Variants in C11orf58 observed in about 807,000 individuals in gnomAD.
C11orf58 encodes small acidic protein.
A neutral mutation model predicts 22.7 loss-of-function variants in C11orf58; 5 were observed. That is an observed-to-expected ratio of 0.22 (90% CI 0.12 to 0.46). C11orf58 has a LOEUF of 0.46. Among genes scored for constraint, C11orf58 ranks in the 20% least tolerant of loss-of-function variants. The pLI is 0.99. For missense variants in C11orf58, 151 were observed against 223.3 expected (o/e 0.68, Z 2.06); for synonymous variants, 71 against 70.7 (o/e 1.00, Z -0.02).
At chr11:16,750,902 G>A (rs960666630) in intron 3 of C11orf58, 3 of 152,216 alleles carry the variant, frequency 2.0e-5, no homozygotes, top group Non-Finnish European at 4.4e-5. Context: ...GTGAGTCTGT[G>A]TACTGTGTCA....
At chr11:16,744,272 A>G (rs1848471906) in intron 1 of C11orf58, 3 of 218,096 alleles carry the variant, frequency 1.4e-5, no homozygotes, top group South Asian at 9.3e-5. Flanking sequence ...TTGAAATTCA[A>G]ATCCTAGAGC....
intron 1 of C11orf58, among the ~76,000 whole-genome samples, chr11:16,743,476 T>C (rs1848463661): frequency 6.6e-6 from 1 of 152,184 alleles, no homozygotes; most frequent in Non-Finnish European, 1.5e-5. Flanking sequence ...CAAAAACTCA[T>C]AGTCTGAGAT....
intron 1 of C11orf58, among the ~76,000 whole-genome samples, chr11:16,742,690 T>C (rs141136087): frequency 2.0e-5 from 3 of 152,182 alleles, no homozygotes; most frequent in African/African-American, 4.8e-5. Flanking sequence ...AAATATTCTT[T>C]TAGTCTTTTA....
At chr11:16,742,119 T>TAGATGA (rs1388911600) in intron 1 of C11orf58, among the ~76,000 whole-genome samples, 9 of 152,238 alleles carry the variant, frequency 5.9e-5, no homozygotes, top group Admixed American at 4.6e-4. Flanking sequence ...TTAGAAGTTG[T>TAGATGA]AGATGACAGT....
rs1425809649 is a variant in C11orf58, at chr11:16,756,746, T to C, written c.*1642T>C. 6.6e-6 allele frequency: 1 copy of C among 151,320 alleles called. No homozygotes were observed. Among genetic ancestry groups the C allele is most frequent in the Non-Finnish European group, 1.5e-5 (1 of 67,830 alleles). 9.4% of individuals were successfully genotyped at this position (151,320 alleles called of 1,614,324 possible). ...CAACATGGAGAAACCCCATCTCTAC[T>C]AAAAATACAAAATTAGCTGGGCGTG... On this transcript the variant is annotated 3_prime_UTR_variant, in exon 5 of 5. Coordinates refer to ENST00000228136, the MANE Select transcript of C11orf58 (RefSeq NM_014267.6).
At chr11:16,750,281 A>G (rs1045052273) in intron 3 of C11orf58, 1 of 152,292 alleles carries the variant, frequency 6.6e-6, no homozygotes, top group Non-Finnish European at 1.5e-5. Flanking sequence ...CATGGAGACC[A>G]AACACCCTGC....
chr11:16,747,566 A>G (rs1311555180), intron 2 of C11orf58: 3 of 152,270 alleles, frequency 2.0e-5, no homozygotes, highest in Non-Finnish European at 4.4e-5. Context: ...TGAGATTAGT[A>G]GTTTATTGTC....
intron 4 of C11orf58, 107 bp from the exon 5 acceptor site, chr11:16,754,764 T>C (rs1219914217): frequency 6.6e-6 from 10 of 1,512,456 alleles, no homozygotes; most frequent in Admixed American, 2.2e-5. Context: ...GTTGTTCTAA[T>C]GGCTACAAAG....
chr11:16,744,943 A>G lies in C11orf58; in HGVS notation c.147+259A>G, dbSNP rs534254124. Reference sequence around the variant, plus strand: ...GGTTCAAGGAGGCTGTATAGGAGAAAAGAGATGTCAAAGTTTATGATTTGC... The same window carrying G: ...GGTTCAAGGAGGCTGTATAGGAGAAGAGAGATGTCAAAGTTTATGATTTGC... On this transcript the variant is annotated intron_variant, in intron 2 of 4. Coordinates refer to ENST00000228136, the MANE Select transcript of C11orf58 (RefSeq NM_014267.6). Among the ~76,000 whole-genome samples the G allele has an allele frequency of 5.9e-5, 9 of 152,314 alleles. No homozygotes were observed. In the South Asian group the frequency reaches 1.9e-3, roughly 32 times the overall value.
At chr11:16,739,204 T>C (rs1175039612) in intron 1 of C11orf58, among the ~76,000 whole-genome samples, 1 of 152,118 alleles carries the variant, frequency 6.6e-6, no homozygotes, top group Admixed American at 6.5e-5. Context: ...TCTCCCTGTT[T>C]TGGGTTCTAA....
chr11:16,753,793 G>C (rs930375701), intron 4 of C11orf58: 16 of 402,362 alleles, frequency 4.0e-5, no homozygotes, highest in Non-Finnish European at 7.0e-5. Context: ...CTGGAGTATA[G>C]TGGCACAGTC....
intron 4 of C11orf58, among the ~76,000 whole-genome samples, chr11:16,754,545 C>T (rs1477662886): frequency 5.4e-5 from 5 of 93,290 alleles, no homozygotes; most frequent in Non-Finnish European, 9.3e-5. Context: ...CTCTCTCTCT[C>T]CCTTTTTTTT....
At chr11:16,739,940 T>C (rs1175431655) in intron 1 of C11orf58, among the ~76,000 whole-genome samples, 1 of 152,140 alleles carries the variant, frequency 6.6e-6, no homozygotes, top group Non-Finnish European at 1.5e-5. Context: ...ACCCCTCTGA[T>C]GGGAGGTGGG....
chr11:16,740,243 T>C (rs1590071668), intron 1 of C11orf58, among the ~76,000 whole-genome samples: 1 of 152,238 alleles, frequency 6.6e-6, no homozygotes, highest in Admixed American at 6.5e-5. Context: ...TTTGGAAATA[T>C]CTTTTAGCGT....
rs1848586452 is a variant in C11orf58, at chr11:16,757,155, A to G, written c.*2051A>G. On this transcript the variant is annotated 3_prime_UTR_variant, in exon 5 of 5. Coordinates refer to ENST00000228136, the MANE Select transcript of C11orf58 (RefSeq NM_014267.6). ...ATTTAACAAATACTTGGTTTGAAAA[A>G]GTTTGGCTTTATTCAACAATTTTAG... 6.6e-6 allele frequency among the ~76,000 whole-genome samples: 1 copy of G among 152,098 alleles called. No individual in the cohort carries two copies. Among genetic ancestry groups the G allele is most frequent in the African/African-American group, 2.4e-5 (1 of 41,400 alleles).
At chr11:16,752,647 G>A in intron 3 of C11orf58, 138 bp from the exon 4 acceptor site, 1 of 475,660 alleles carries the variant, frequency 2.1e-6, no homozygotes, top group South Asian at 4.8e-5. Context: ...ACCACCTATG[G>A]CATAAATTCT....
chr11:16,754,512 CTTTTTTT>C (rs111667450), intron 4 of C11orf58, among the ~76,000 whole-genome samples: 3 of 58,498 alleles, frequency 5.1e-5, no homozygotes, highest in East Asian at 4.8e-4. Flanking sequence ...TTTCTTTTTT[CTTTTTTT>C]TTTTTTAGTT....
chr11:16,750,362 A>G (rs1848523413), intron 3 of C11orf58: 1 of 152,356 alleles, frequency 6.6e-6, no homozygotes, highest in Non-Finnish European at 1.5e-5. Context: ...GTAATTATTG[A>G]AGGCCACCAC....
intron 4 of C11orf58, among the ~76,000 whole-genome samples, chr11:16,754,547 CTTTTTTTTTTTTTTTTTTTTTTTT>C (rs573626223): frequency 3.2e-4 from 10 of 31,496 alleles, no homozygotes; most frequent in African/African-American, 8.9e-4. Flanking sequence ...CTCTCTCTCC[CTTTTTTTTTTTTTTTTTTTTTTTT>C]TTTTTTTTTT....
Sources: allele counts gnomAD v4.1 joint callset (sites outside exome capture counted in the v4.1 genomes callset), GRCh38; gene constraint gnomAD v4.1.1; transcripts MANE v1.5; gene names NCBI Gene and HGNC (gene_info 2026-07-23, HGNC 2026-07-21).